Variants in OPLAH observed in about 807,000 individuals in gnomAD.
OPLAH encodes 5-oxoprolinase.
A neutral mutation model predicts 122.8 loss-of-function variants in OPLAH; 103 were observed. That is an observed-to-expected ratio of 0.84 (90% CI 0.71 to 0.99). OPLAH has a LOEUF of 0.99. Ranked by LOEUF, OPLAH falls within the 50% of genes least tolerant of loss-of-function variation. OPLAH has a pLI of 0.00. For synonymous variants in OPLAH, 875 were observed against 796.0 expected (o/e 1.10, Z -1.67); for missense variants, 1,902 against 1,836.5 (o/e 1.04, Z -0.65).
rs1248760281 is a variant in OPLAH at position 144,057,924 on chromosome 8, C to A, written c.1089-1G>T. The A allele has an allele frequency of 1.6e-5, 25 of 1,611,838 alleles. No homozygotes were observed. The highest frequency in any genetic ancestry group is 1.9e-5 in the Non-Finnish European group (23 of 1,179,578). On this transcript the variant is annotated splice_acceptor_variant, in intron 8 of 26. Transcript: ENST00000618853. LOFTEE classifies it high-confidence loss of function. ...GGGCCCAACCACAAAGAGGCCAGAC[C>A]TAGGGGAAGGAAGGGCTGGGGTTGG...
Position 144,051,839 on chromosome 8 carries a change from G to C in OPLAH, c.3623-13C>G. 2.7e-6 allele frequency: 4 copies of C among 1,480,154 alleles called. No individual in the cohort carries two copies. The highest frequency in any genetic ancestry group is 2.0e-4 in the Middle Eastern group (1 of 4,910). The allele number at this position is 1,480,154 out of a possible 1,614,324, so 91.7% of individuals were successfully genotyped here. The stretch of plus-strand genomic sequence containing the variant: ...CCAGGCTCGCCCCCTGCGGAGGGAG[G>C]CGAGGAGTCCAGAGAGACCAGGGGC... On this transcript the variant is annotated splice_polypyrimidine_tract_variant and intron_variant, in intron 25 of 26. Transcript: ENST00000618853.
Position 144,056,467 on chromosome 8 carries a change from A to T in OPLAH, c.1901T>A (p.Val634Glu). The change falls in exon 14 of 27, where the codon GTG (valine) becomes GAG (glutamate). Residue 634 changes from valine to glutamate, a missense_variant. Val to Glu is a moderately radical substitution (Grantham distance 121). This residue lies in a region of OPLAH where 1,726 missense variants were observed against 1,642.1 expected (regional missense o/e 1.05). Coordinates refer to ENST00000618853, the MANE Select transcript of OPLAH (RefSeq NM_017570.5). ...IPERPVVVDD[V>E]RVRGTGRSGL... ...ACTGCGGCCGGTGCCCCGCACTCGC[A>T]CATCGTCCACGACCACCGGCCGCTC... is the stretch of plus-strand genomic sequence containing the variant. The T allele has an allele frequency of 6.2e-7, 1 of 1,611,702 alleles. No homozygotes were observed. The highest frequency in any genetic ancestry group is 1.3e-5 in the African/African-American group (1 of 75,012).
Position 144,059,941 on chromosome 8 carries a change from C to T in OPLAH, c.92G>A (p.Arg31Gln), listed in dbSNP as rs7004867. Residue 31 changes from arginine to glutamine, a missense_variant, in exon 2 of 27, where the codon CGG (arginine) becomes CAG (glutamine). Coordinates refer to ENST00000618853, the MANE Select transcript of OPLAH (RefSeq NM_017570.5). ...VFAQCPGGHV[R>Q]VLKLLSEDPA... ...GTCCTCTGAGAGCAGTTTTAAGACCCGCACGTGCCCCCCTGGGCACTGGGC... is the reference window on the plus strand; with the variant it reads ...GTCCTCTGAGAGCAGTTTTAAGACCTGCACGTGCCCCCCTGGGCACTGGGC... 0.073 allele frequency: 117,009 copies of T among 1,612,728 alleles called. 4,615 individuals carry two copies. Among genetic ancestry groups the T allele is most frequent in the African/African-American group, 0.11 (8,508 of 75,054 alleles).
chr8:144,051,164 C>T (rs1835362890), downstream of OPLAH: 2 of 1,433,598 alleles, frequency 1.4e-6, no homozygotes, highest in Admixed American at 5.8e-5. Context: ...TCACGGACCA[C>T]CGGGCAGTGC....
At chr8:144,050,549 A>G (rs116379460), downstream of OPLAH, 1,389 of 985,598 alleles carry the variant, frequency 1.4e-3, 23 homozygotes, top group African/African-American at 0.022. Flanking sequence ...ACCACCGGCT[A>G]GAGCAGGAGC....
intron 26 of OPLAH, 68 bp downstream of exon 26, chr8:144,051,661 C>T: frequency 4.4e-6 from 6 of 1,353,012 alleles, no homozygotes; most frequent in Non-Finnish European, 5.1e-6. Flanking sequence ...TGCAACTGTT[C>T]CCCCTCTGTG....
chr8:144,060,820 G>C (rs1418281552), upstream of OPLAH: 2 of 152,310 alleles, frequency 1.3e-5, no homozygotes, highest in African/African-American at 2.4e-5. Flanking sequence ...CCGCGCCTCC[G>C]TCCTCGCCCT....
Position 144,056,158 on chromosome 8 carries a change from G to A in OPLAH, c.2085C>T (p.Ile695=), listed in dbSNP as rs782072942. ...GGACTTCAGCCCACCTGTTACTGTC[G>A]ATGATGAGGCAGGGCCCATGGAGCT... is the stretch of plus-strand genomic sequence containing the variant. ...GHKLHGPCLI[I]DSNSTILVEP... is the part of the protein sequence containing the mutation. Residue 695 remains isoleucine (I), a synonymous_variant, in exon 15 of 27, where the codon ATC becomes ATT. Coordinates refer to ENST00000618853, the MANE Select transcript of OPLAH (RefSeq NM_017570.5). 14 of 1,605,600 alleles carry A rather than the reference G, an allele frequency of 8.7e-6. No individual in the cohort carries two copies. Among genetic ancestry groups the A allele is most frequent in the Admixed American group, 1.7e-5 (1 of 59,892 alleles).
At chr8:144,059,355 G>A (rs561085822) in intron 3 of OPLAH, among the ~76,000 whole-genome samples, 2 of 152,252 alleles carry the variant, frequency 1.3e-5, no homozygotes, top group Non-Finnish European at 2.9e-5. Flanking sequence ...GCCTGAACAG[G>A]GTAGCTTGGG....
downstream of OPLAH, chr8:144,050,419 G>A: frequency 4.1e-6 from 4 of 985,602 alleles, no homozygotes; most frequent in Middle Eastern, 5.2e-4. Flanking sequence ...GGCTTTCAGC[G>A]TGCTCCTGGG....
At position 144,057,567 on chromosome 8, in the gene OPLAH, T is replaced by G. The variant is rs1554759632; in HGVS notation, c.1303A>C (p.Asn435His). The G allele has an allele frequency of 6.3e-7, 1 of 1,584,732 alleles. No individual in the cohort carries two copies. Among genetic ancestry groups the G allele is most frequent in the East Asian group, 2.2e-5 (1 of 44,560 alleles). The change falls in exon 10 of 27, where the codon AAC becomes CAC. Residue 435 changes from asparagine (N) to histidine (H), a missense_variant. Coordinates refer to ENST00000618853, the MANE Select transcript of OPLAH (RefSeq NM_017570.5). ...KALEAVATEV[N>H]SFLTNGPCPA... ...CAGGGCCCGTTGGTCAGGAAGCTGT[T>G]GACCTCAGTGGCCACAGCCTCCAGG... is the stretch of plus-strand genomic sequence containing the variant.
Position 144,051,793 on chromosome 8 carries a change from A to G in OPLAH, c.3656T>C (p.Leu1219Pro). ...CACCGTCCGGCCGTTTTTGCGGATC[A>G]GCAGGTTTAGGCCGCGGGCGCCAGG... The part of the protein sequence containing the change: ...GEPGARGLNL[L>P]IRKNGRTVNL... Residue 1219 changes from leucine (L) to proline (P), a missense_variant, in exon 26 of 27, where the codon CTG becomes CCG. By Grantham distance (98) the Leu-to-Pro change is moderately conservative (BLOSUM62 -3). Around this residue, in one of 3 missense-constraint regions of OPLAH, gnomAD observed 1,726 missense variants for 1,642.1 expected, o/e 1.05. Coordinates refer to ENST00000618853, the MANE Select transcript of OPLAH (RefSeq NM_017570.5). The G allele has an allele frequency of 1.3e-6, 2 of 1,594,488 alleles. No homozygotes were observed. The highest frequency in any genetic ancestry group is 1.4e-5 in the African/African-American group (1 of 72,266).
chr8:144,052,537 T>C lies in OPLAH; in HGVS notation c.3215A>G (p.Glu1072Gly). 6.3e-7 allele frequency: 1 copy of C among 1,593,276 alleles called. No individual in the cohort carries two copies. Among genetic ancestry groups the C allele is most frequent in the Admixed American group, 1.7e-5 (1 of 58,920 alleles). The change falls in exon 23 of 27, where the codon GAG becomes GGG. Residue 1072 changes from glutamate (E) to glycine (G), a missense_variant. Glu to Gly is a moderately conservative substitution (Grantham distance 98). Transcript: ENST00000618853. ...PRGSILDPSP[E>G]AAVVGGNVLT... is the part of the protein sequence containing the mutation. Reference sequence around the variant, plus strand: ...CACGTTGCCGCCCACCACCGCCGCCTCGGGCGACGGGTCCAGGATGGAGCC... The same window carrying C: ...CACGTTGCCGCCCACCACCGCCGCCCCGGGCGACGGGTCCAGGATGGAGCC...
chr8:144,057,088 C>G lies in OPLAH; in HGVS notation c.1566G>C (p.Leu522=). 1 of 1,602,486 alleles carries G rather than the reference C, an allele frequency of 6.2e-7. No individual in the cohort carries two copies. The highest frequency in any genetic ancestry group is 8.5e-7 in the Non-Finnish European group (1 of 1,175,616). Residue 522 remains leucine, a synonymous_variant, in exon 12 of 27, where the codon CTG becomes CTC. Transcript: ENST00000618853. ...RHSGLLSALG[L]ALADVVHEAQ... is the part of the protein sequence containing the mutation. ...CCTCATGCACCACGTCAGCCAGGGC[C>G]AGCCCCAGGGCCGACAGCAGCCCAC...
chr8:144,055,897 C>G lies in OPLAH; in HGVS notation c.2139G>C (p.Lys713Asn), dbSNP rs1835501136. Residue 713 changes from lysine to asparagine, a missense_variant, in exon 16 of 27, where the codon AAG (lysine) becomes AAC (asparagine). Lys to Asn is a moderately conservative substitution (Grantham distance 94). This residue lies in a region of OPLAH where 1,726 missense variants were observed against 1,642.1 expected (regional missense o/e 1.05). Transcript: ENST00000618853. This position sits in a 1 kb window ranked among gnomAD's most constrained non-coding sequence, Gnocchi z 6.5. ...CCACGGAGATGCAGATGTCCCCTGTCTTGGTCACCTCTGCCTGGCAACCTG... is the reference window on the plus strand; with the variant it reads ...CCACGGAGATGCAGATGTCCCCTGTGTTGGTCACCTCTGCCTGGCAACCTG... ...VEPGCQAEVT[K>N]TGDICISVGA... 1.9e-6 allele frequency: 3 copies of G among 1,587,692 alleles called. No individual in the cohort carries two copies. The highest frequency in any genetic ancestry group is 2.6e-6 in the Non-Finnish European group (3 of 1,167,378).
chr8:144,058,023 G>A lies in OPLAH; in HGVS notation c.1075C>T (p.Arg359Cys), dbSNP rs568623659. ...AGGAGAGCTGACCTGAAGAAGAGGCGGGAACCCCCTCCCGCTGCCACGGTG... is the reference window on the plus strand; with the variant it reads ...AGGAGAGCTGACCTGAAGAAGAGGCAGGAACCCCCTCCCGCTGCCACGGTG... ...INTVAAGGGS[R>C]LFFRSGLFVV... The change falls in exon 8 of 27, where the codon CGC (arginine) becomes TGC (cysteine). Residue 359 changes from arginine to cysteine, a missense_variant. Around this residue, in one of 3 missense-constraint regions of OPLAH, gnomAD observed 1,726 missense variants for 1,642.1 expected, o/e 1.05. Transcript: ENST00000618853. The A allele has an allele frequency of 5.4e-5, 87 of 1,612,478 alleles. No individual in the cohort carries two copies. Among genetic ancestry groups the A allele is most frequent in the Admixed American group, 5.2e-4 (31 of 60,008 alleles).
In OPLAH at chr8:144,057,942, G is replaced by A; in HGVS notation, c.1089-19C>T. 1.2e-6 allele frequency: 2 copies of A among 1,611,936 alleles called. No homozygotes were observed. The highest frequency in any genetic ancestry group is 1.7e-6 in the Non-Finnish European group (2 of 1,179,546). ...GCCAGACCTAGGGGAAGGAAGGGCT[G>A]GGGTTGGAGTTGGACACGAGGAGGG... On this transcript the variant is annotated intron_variant, in intron 8 of 26. Transcript: ENST00000618853.
chr8:144,055,741 C>T lies in OPLAH; in HGVS notation c.2248+47G>A. The T allele has an allele frequency of 6.9e-7, 1 of 1,447,944 alleles. No individual in the cohort carries two copies. Among genetic ancestry groups the T allele is most frequent in the Non-Finnish European group, 9.1e-7 (1 of 1,094,788 alleles). 89.7% of individuals were successfully genotyped at this position (1,447,944 alleles called of 1,614,324 possible). A position where few individuals can be genotyped will look rare whatever the true frequency, so the allele number is the denominator to read the frequency against. On this transcript the variant is annotated intron_variant, in intron 16 of 26. Transcript: ENST00000618853. This position sits in a 1 kb window ranked among gnomAD's most constrained non-coding sequence, Gnocchi z 6.5. ...CACAGCCCTGCCAGCTACCCCATGA[C>T]ACAGCCGGCGCCTCATCCCACAGGG...
chr8:144,059,873 T>G lies in OPLAH; in HGVS notation c.160A>C (p.Ile54Leu). The G allele has an allele frequency of 6.2e-7, 1 of 1,612,734 alleles. No individual in the cohort carries two copies. The highest frequency in any genetic ancestry group is 8.5e-7 in the Non-Finnish European group (1 of 1,179,800). Residue 54 changes from isoleucine (I) to leucine (L), a missense_variant, in exon 2 of 27, where the codon ATC (isoleucine) becomes CTC (leucine). Physicochemically the swap from Ile to Leu is conservative, Grantham distance 5. This residue lies in a region of OPLAH where 168 missense variants were observed against 170.6 expected (regional missense o/e 0.98). Transcript: ENST00000618853. ...ADAPTEGIRR[I>L]LEQEAGMLLP... is the part of the protein sequence containing the mutation. ...CCGCCCTGGCCCACCTGCTCCAGGATGCGGCGGATGCCTTCGGTTGGCGCG... is the reference window on the plus strand; with the variant it reads ...CCGCCCTGGCCCACCTGCTCCAGGAGGCGGCGGATGCCTTCGGTTGGCGCG...
Sources: gnomAD v4.1 joint callset for allele counts (sites outside exome capture counted in the v4.1 genomes callset) on GRCh38, gnomAD v4.1.1 for gene constraint, gnomAD v4.1.1 regional missense constraint, Gnocchi (gnomAD v3.1) non-coding constraint, MANE v1.5 for transcripts, NCBI Gene and HGNC (gene_info 2026-07-23, HGNC 2026-07-21) for gene names.